Variants in PKP4 observed in about 807,000 individuals in gnomAD.
PKP4 encodes the protein plakophilin-4.
Under a neutral mutation model 145.1 loss-of-function variants are expected in PKP4, and 90 were observed. That is an observed-to-expected ratio of 0.62 (90% CI 0.52 to 0.74). PKP4 has a LOEUF of 0.74. Among genes scored for constraint, PKP4 ranks in the 30% least tolerant of loss-of-function variants. The pLI, the probability that PKP4 is intolerant of heterozygous loss-of-function variation, is 0.00. For synonymous variants in PKP4, 563 were observed against 577.2 expected (o/e 0.98, Z 0.35); for missense variants, 1,340 against 1,482.7 (o/e 0.90, Z 1.58).
intron 1 of PKP4, among the ~76,000 whole-genome samples, chr2:158,503,771 A>G (rs763232878): frequency 5.9e-5 from 9 of 152,130 alleles, no homozygotes; most frequent in Non-Finnish European, 1.0e-4. Flanking sequence ...GTTCAGTTGT[A>G]TTACCTCATG....
intron 2 of PKP4, among the ~76,000 whole-genome samples, chr2:158,551,507 G>T (rs1207411001): frequency 6.6e-6 from 1 of 152,034 alleles, no homozygotes; most frequent in Non-Finnish European, 1.5e-5. Flanking sequence ...TCAACCTAAA[G>T]ACTGAAACAT....
At chr2:158,668,410 A>C (rs2057295669) in intron 16 of PKP4, among the ~76,000 whole-genome samples, 1 of 152,178 alleles carries the variant, frequency 6.6e-6, no homozygotes, top group Non-Finnish European at 1.5e-5. Flanking sequence ...TTTTTCACAA[A>C]GAAGCAAAGT....
intron 1 of PKP4, among the ~76,000 whole-genome samples, chr2:158,529,465 G>A (rs1043809181): frequency 6.6e-6 from 1 of 152,160 alleles, no homozygotes; most frequent in Non-Finnish European, 1.5e-5. Flanking sequence ...CCCTTACCTG[G>A]AAATAATGAC....
At chr2:158,645,930 T>A (rs969300485) in intron 11 of PKP4, among the ~76,000 whole-genome samples, 1 of 152,220 alleles carries the variant, frequency 6.6e-6, no homozygotes, top group African/African-American at 2.4e-5. Context: ...CAAGGGCTTT[T>A]ATGTACTAGG....
In PKP4 at chr2:158,621,416, G is replaced by C. The variant is rs1274084822; in HGVS notation, c.598G>C (p.Val200Leu). Residue 200 changes from valine to leucine, a missense_variant, in exon 6 of 22, where the codon GTT (valine) becomes CTT (leucine). Val to Leu is a conservative substitution (Grantham distance 32). Coordinates refer to ENST00000389759, the MANE Select transcript of PKP4 (RefSeq NM_003628.6). ...TTCAAGAGCTGAAGGACAAACACTG[G>C]TTCAGGTAAGCCAAACGCATCAAGA... ...RNSRAEGQTL[V>L]QPSVANRAMR... The C allele has an allele frequency of 1.2e-6, 2 of 1,613,652 alleles. No individual in the cohort carries two copies. Among genetic ancestry groups the C allele is most frequent in the Non-Finnish European group, 1.7e-6 (2 of 1,179,642 alleles).
intron 6 of PKP4, among the ~76,000 whole-genome samples, chr2:158,624,476 G>C (rs1484801955): frequency 2.6e-5 from 4 of 152,142 alleles, no homozygotes; most frequent in African/African-American, 9.7e-5. Context: ...GCCAAACTTT[G>C]CTTCATAGGG....
intron 9 of PKP4, among the ~76,000 whole-genome samples, chr2:158,637,440 C>T (rs1193632976): frequency 2.0e-5 from 3 of 152,152 alleles, no homozygotes; most frequent in Admixed American, 1.3e-4. Flanking sequence ...ATAGTCCACA[C>T]GCAAACCCGG....
At chr2:158,639,627 A>G (rs1248325743) in intron 9 of PKP4, among the ~76,000 whole-genome samples, 1 of 152,220 alleles carries the variant, frequency 6.6e-6, no homozygotes, top group Non-Finnish European at 1.5e-5. Flanking sequence ...TTCACATAAT[A>G]TAAGCACAAA....
intron 19 of PKP4, among the ~76,000 whole-genome samples, chr2:158,675,502 A>G (rs1038357184): frequency 6.6e-6 from 1 of 152,196 alleles, no homozygotes; most frequent in African/African-American, 2.4e-5. Context: ...CCTGCTGGAC[A>G]GTGTTGGCTA....
intron 2 of PKP4, among the ~76,000 whole-genome samples, chr2:158,542,849 C>T (rs931896140): frequency 2.6e-5 from 4 of 152,076 alleles, no homozygotes; most frequent in African/African-American, 9.7e-5. Flanking sequence ...AATGACAAAT[C>T]TAGAAAAATT....
At position 158,669,869 on chromosome 2, in the gene PKP4, G is replaced by C. The variant is rs376490425; in HGVS notation, c.2878G>C (p.Gly960Arg). 16 of 1,613,828 alleles carry C rather than the reference G, an allele frequency of 9.9e-6. No individual in the cohort carries two copies. The highest frequency in any genetic ancestry group is 2.2e-5 in the East Asian group (1 of 44,884). The change falls in exon 17 of 22, where the codon GGA becomes CGA. Residue 960 changes from glycine (G) to arginine (R), a missense_variant. By Grantham distance (125) the Gly-to-Arg change is moderately radical. Coordinates refer to ENST00000389759, the MANE Select transcript of PKP4 (RefSeq NM_003628.6). ...GAACGCAAAAGCCCTGGCCGACTCA[G>C]GAGGCATAGAGAAGCTGGTGAACAT... ...MENAKALADSGGIEKLVNITK... is the reference protein window; with the variant it reads ...MENAKALADSRGIEKLVNITK...
chr2:158,633,579 A>G (rs920347910), intron 8 of PKP4, among the ~76,000 whole-genome samples: 3 of 152,242 alleles, frequency 2.0e-5, no homozygotes, highest in Admixed American at 6.5e-5. Context: ...TTTTTGGACA[A>G]TTGACCACGG....
chr2:158,475,504 C>T lies in PKP4; in HGVS notation c.-6+18286C>T, dbSNP rs1692326721. On this transcript the variant is annotated intron_variant, in intron 1 of 21. Coordinates refer to ENST00000389759, the MANE Select transcript of PKP4 (RefSeq NM_003628.6). ...GCAGCAGATTCTGTCTGTGCTCTGT[C>T]CACATCCTGTGGCACTTGAAATGAC... Among the ~76,000 whole-genome samples, 5 of 152,302 alleles carry T rather than the reference C, an allele frequency of 3.3e-5. No individual in the cohort carries two copies. In the South Asian group the frequency reaches 1.0e-3, roughly 32 times the overall value.
At chr2:158,607,618 G>A (rs964790051) in intron 4 of PKP4, among the ~76,000 whole-genome samples, 5 of 152,090 alleles carry the variant, frequency 3.3e-5, no homozygotes, top group African/African-American at 1.2e-4. Flanking sequence ...AACCAGGAAG[G>A]AGATGCCACC....
chr2:158,616,458 T>C (rs2051631971), intron 4 of PKP4, among the ~76,000 whole-genome samples: 1 of 149,562 alleles, frequency 6.7e-6, no homozygotes, highest in African/African-American at 2.5e-5. Flanking sequence ...GTTGAGTCCA[T>C]GTAACACAAC....
chr2:158,616,815 A>G (rs2051670131), intron 4 of PKP4, among the ~76,000 whole-genome samples: 1 of 152,162 alleles, frequency 6.6e-6, no homozygotes, highest in Non-Finnish European at 1.5e-5. Context: ...TACACACACT[A>G]CAGACCCTGT....
At chr2:158,487,805 G>C (rs1694385003) in intron 1 of PKP4, among the ~76,000 whole-genome samples, 1 of 151,860 alleles carries the variant, frequency 6.6e-6, no homozygotes, top group Non-Finnish European at 1.5e-5. Flanking sequence ...AGAGAGAGAA[G>C]GGGGAGGGAG....
intron 1 of PKP4, among the ~76,000 whole-genome samples, chr2:158,475,896 A>C (rs1692395158): frequency 6.6e-6 from 1 of 152,208 alleles, no homozygotes; most frequent in African/African-American, 2.4e-5. Flanking sequence ...TATGATTCAC[A>C]TAAATTTTCA....
intron 8 of PKP4, among the ~76,000 whole-genome samples, chr2:158,632,233 T>C (rs1336838022): frequency 6.6e-6 from 1 of 152,248 alleles, no homozygotes. Flanking sequence ...TAGATGCATA[T>C]TCAGTATCAA....
Sources: allele counts gnomAD v4.1 joint callset (sites outside exome capture counted in the v4.1 genomes callset), GRCh38; gene constraint gnomAD v4.1.1; transcripts MANE v1.5; gene names NCBI Gene and HGNC (gene_info 2026-07-23, HGNC 2026-07-21).